The following OCIAD1 variants were observed in gnomAD, a reference collection of about 807,000 sequenced individuals.
The protein encoded by OCIAD1 is OCIA domain-containing protein 1.
A neutral mutation model predicts 38.9 loss-of-function variants in OCIAD1; 29 were observed. The observed-to-expected ratio is 0.74, with a 90% CI of 0.55 to 1.02. The LOEUF (loss-of-function observed/expected upper bound fraction) is 1.02. OCIAD1 is among the 50% of genes least tolerant of loss of function. OCIAD1 has a pLI of 0.00. For missense variants in OCIAD1, 288 were observed against 289.6 expected, an observed-to-expected ratio of 0.99 and a Z score of 0.04; for synonymous variants, 110 against 92.0, an observed-to-expected ratio of 1.20 and a Z score of -1.12.
At chr4:48,826,400 G>A (rs140772696), upstream of OCIAD1, among the ~76,000 whole-genome samples, 2,857 of 152,184 alleles carry the variant, frequency 0.019, 28 homozygotes, top group Middle Eastern at 0.037. Context: ...GAGAACATGC[G>A]GTGTTTGGTT....
At chr4:48,853,025 G>C (rs1368224907) in intron 7 of OCIAD1, among the ~76,000 whole-genome samples, 1 of 151,626 alleles carries the variant, frequency 6.6e-6, no homozygotes. Context: ...GACTGCAGGT[G>C]CCCGCCACCA....
intron 3 of OCIAD1, among the ~76,000 whole-genome samples, chr4:48,837,892 G>A (rs1334392483): frequency 6.6e-6 from 1 of 152,162 alleles, no homozygotes; most frequent in African/African-American, 2.4e-5. Flanking sequence ...TATGCCAAAA[G>A]TACATTAAAG....
chr4:48,851,872 A>G lies in OCIAD1; in HGVS notation c.444A>G (p.Pro148=). The change falls in exon 7 of 9, where the codon CCA becomes CCG. Residue 148 remains proline (P), a synonymous_variant. Coordinates refer to ENST00000264312, the MANE Select transcript of OCIAD1 (RefSeq NM_017830.4). ...VSGQSSFVTS[P]AADNIEMLPH... ...GTCAATCATCTTTTGTGACATCCCC[A>G]GCAGCAGACAACATAGAAATGCTTC... 6.2e-7 allele frequency: 1 copy of G among 1,613,782 alleles called. No homozygotes were observed.
chr4:48,819,740 A>AAAAAAAAAAAAAAAAAAAAAAAG (rs1381189214), intron 1 of OCIAD1, among the ~76,000 whole-genome samples: 2 of 145,454 alleles, frequency 1.4e-5, no homozygotes, highest in Non-Finnish European at 1.5e-5. Context: ...AAAAAAAAAA[A>AAAAAAAAAAAAAAAAAAAAAAAG]AAAAGGAGGG....
chr4:48,827,773 T>A (rs867221413), upstream of OCIAD1, among the ~76,000 whole-genome samples: 1 of 152,230 alleles, frequency 6.6e-6, no homozygotes, highest in Non-Finnish European at 1.5e-5. Context: ...TGCAGGCACG[T>A]GGCGTGGGAC....
intron 4 of OCIAD1, among the ~76,000 whole-genome samples, chr4:48,843,392 G>T (rs1484058389): frequency 2.6e-5 from 4 of 152,172 alleles, no homozygotes; most frequent in Non-Finnish European, 5.9e-5. Flanking sequence ...GGTGACCTTA[G>T]GATGGCCTGG....
At chr4:48,812,910 C>T (rs4695406) in intron 1 of OCIAD1, among the ~76,000 whole-genome samples, 149,552 of 152,334 alleles carry the variant, frequency 0.98, 73,469 homozygotes, top group East Asian at 1. Flanking sequence ...CAGAATGGGT[C>T]GAACTGCTAG....
At chr4:48,806,920 T>C (rs753035272) in intron 1 of OCIAD1, among the ~76,000 whole-genome samples, 1 of 152,146 alleles carries the variant, frequency 6.6e-6, no homozygotes, top group Non-Finnish European at 1.5e-5. Flanking sequence ...TCTTTCTTTT[T>C]TGAGGTAGGA....
At chr4:48,839,553 T>C (rs1175428116) in intron 3 of OCIAD1, among the ~76,000 whole-genome samples, 1 of 152,224 alleles carries the variant, frequency 6.6e-6, no homozygotes, top group African/African-American at 2.4e-5. Context: ...GCTATACTTT[T>C]CTTATCTATA....
chr4:48,833,193 A>G (rs1247329894), intron 2 of OCIAD1, among the ~76,000 whole-genome samples: 1 of 152,178 alleles, frequency 6.6e-6, no homozygotes, highest in African/African-American at 2.4e-5. Context: ...TGGAGGTTGC[A>G]GTGAGCCGAG....
At chr4:48,859,239 G>A (rs1780385557) in intron 8 of OCIAD1, among the ~76,000 whole-genome samples, 1 of 151,836 alleles carries the variant, frequency 6.6e-6, no homozygotes, top group African/African-American at 2.4e-5. Context: ...ATCTACCTTT[G>A]AAATGAATTA....
rs188934031 is a variant in OCIAD1, at chr4:48,850,057, C to A, written c.352C>A (p.Gln118Lys). 6.2e-7 allele frequency: 1 copy of A among 1,612,560 alleles called. No homozygotes were observed. The highest frequency in any genetic ancestry group is 8.5e-7 in the Non-Finnish European group (1 of 1,179,640). Residue 118 changes from glutamine to lysine, a missense_variant, in exon 6 of 9, where the codon CAA (glutamine) becomes AAA (lysine). By Grantham distance (53) the Gln-to-Lys change is moderately conservative (BLOSUM62 1). Transcript: ENST00000264312. ...CCTTGGAGAAGCTTTACGATCAGGA[C>A]AAGCACGACGATCTTCACCACCTGG... ...SPLGEALRSG[Q>K]ARRSSPPGHY...
At chr4:48,853,734 CAT>C (rs1779744806) in intron 7 of OCIAD1, among the ~76,000 whole-genome samples, 1 of 152,276 alleles carries the variant, frequency 6.6e-6, no homozygotes, top group African/African-American at 2.4e-5. Flanking sequence ...TCAATAGTCA[CAT>C]GTGCTAGTGG....
rs1201211174 is a variant in OCIAD1, at chr4:48,857,259, A to C, written c.594A>C (p.Thr198=). Residue 198 remains threonine, a synonymous_variant, in exon 8 of 9, where the codon ACA becomes ACC. Coordinates refer to ENST00000264312, the MANE Select transcript of OCIAD1 (RefSeq NM_017830.4). The part of the protein sequence containing the change: ...LEESPKRKNI[T]YEELRNKNRE... ...AAAGTCCTAAAAGAAAAAATATTACATATGAGGAATTAAGGAATAAGAACA... is the reference window on the plus strand; with the variant it reads ...AAAGTCCTAAAAGAAAAAATATTACCTATGAGGAATTAAGGAATAAGAACA... 2 of 1,584,606 alleles carry C rather than the reference A, an allele frequency of 1.3e-6. No homozygotes were observed. Among genetic ancestry groups the C allele is most frequent in the Admixed American group, 3.6e-5 (2 of 55,318 alleles).
At chr4:48,846,637 A>C (rs1306183877) in intron 4 of OCIAD1, among the ~76,000 whole-genome samples, 2 of 152,016 alleles carry the variant, frequency 1.3e-5, no homozygotes, top group African/African-American at 4.8e-5. Context: ...AGTCCCAGCT[A>C]CTTGGGAGGC....
At chr4:48,808,876 T>C (rs887178735) in intron 1 of OCIAD1, among the ~76,000 whole-genome samples, 3 of 152,222 alleles carry the variant, frequency 2.0e-5, no homozygotes, top group Admixed American at 6.5e-5. Flanking sequence ...GTATTCTCTA[T>C]GGCAGTCAGG....
chr4:48,830,697 T>C (rs982276320), upstream of OCIAD1: 30 of 152,194 alleles, frequency 2.0e-4, no homozygotes, highest in African/African-American at 6.8e-4. Flanking sequence ...AAAATTACTT[T>C]CTACTACTTA....
chr4:48,848,718 T>A (rs1168777028), intron 5 of OCIAD1: 1 of 227,402 alleles, frequency 4.4e-6, no homozygotes, highest in East Asian at 8.9e-5. Flanking sequence ...TATTTGAAAA[T>A]AAATTTTTGG....
At chr4:48,848,951 A>T (rs1161185841) in intron 5 of OCIAD1, among the ~76,000 whole-genome samples, 2 of 152,146 alleles carry the variant, frequency 1.3e-5, no homozygotes, top group African/African-American at 4.8e-5. Context: ...TACACCATGG[A>T]ATACTATGCA....
Sources: gnomAD v4.1 joint callset for allele counts (sites outside exome capture counted in the v4.1 genomes callset) on GRCh38, gnomAD v4.1.1 for gene constraint, MANE v1.5 for transcripts, NCBI Gene and HGNC (gene_info 2026-07-23, HGNC 2026-07-21) for gene names.